Variants in SETD9 observed in about 807,000 individuals in gnomAD.
SETD9 encodes SET domain-containing protein 9.
In SETD9, 37 loss-of-function variants were observed where a neutral mutation model predicts 36.4. That is an observed-to-expected ratio of 1.02 (90% CI 0.78 to 1.34). The LOEUF (loss-of-function observed/expected upper bound fraction) is 1.34. SETD9 is among the 40% of genes most tolerant of loss of function. The pLI is 0.00. For missense variants in SETD9, 323 were observed against 353.2 expected (o/e 0.91, Z 0.69); for synonymous variants, 128 against 132.9 (o/e 0.96, Z 0.26).
intron 5 of SETD9, among the ~76,000 whole-genome samples, chr5:56,924,265 A>C (rs1749847332): frequency 6.6e-6 from 1 of 151,962 alleles, no homozygotes; most frequent in Non-Finnish European, 1.5e-5. Flanking sequence ...TTTTTTTTTA[A>C]AAAAATCAGA....
downstream of SETD9, among the ~76,000 whole-genome samples, chr5:56,917,848 T>G (rs1749496774): frequency 6.6e-6 from 1 of 152,184 alleles, no homozygotes; most frequent in African/African-American, 2.4e-5. Flanking sequence ...TCGACCTGAC[T>G]CCAGCTCTCT....
chr5:56,909,784 G>A lies in SETD9; in HGVS notation c.98+41G>A, dbSNP rs763575382. ...GGCAGAACGAGGGGCACCTGCCTTCGGTTCCCAGACGCCACCACGGCGGCG... is the reference window on the plus strand; with the variant it reads ...GGCAGAACGAGGGGCACCTGCCTTCAGTTCCCAGACGCCACCACGGCGGCG... On this transcript the variant is annotated intron_variant, in intron 1 of 5. Transcript: ENST00000285947. 6.4e-6 allele frequency: 10 copies of A among 1,570,334 alleles called. No homozygotes were observed. In the African/African-American group the frequency reaches 8.3e-5, roughly 13 times the overall value.
chr5:56,909,591 G>A, upstream of SETD9: 4 of 1,459,202 alleles, frequency 2.7e-6, no homozygotes, highest in Admixed American at 6.5e-5. Flanking sequence ...GGGCGGGCCC[G>A]AGGCCTCGAT....
Position 56,913,035 on chromosome 5 carries a change from C to T in SETD9, c.491C>T (p.Pro164Leu), listed in dbSNP as rs189621167. 23 of 1,613,690 alleles carry T rather than the reference C, an allele frequency of 1.4e-5. No individual in the cohort carries two copies. In the African/African-American group the frequency reaches 1.6e-4, roughly 11 times the overall value. Residue 164 changes from proline to leucine, a missense_variant, in exon 3 of 6, where the codon CCG (proline) becomes CTG (leucine). Pro to Leu is a moderately conservative substitution (Grantham distance 98). Coordinates refer to ENST00000285947, the MANE Select transcript of SETD9 (RefSeq NM_153706.4). ...GGTACAGTATATCAGAAGTATGAGC[C>T]GATCTTTTTCCAGTCCATTGGAAAT... is the stretch of plus-strand genomic sequence containing the variant. ...YPGTVYQKYEPIFFQSIGNPF... is the reference protein window; with the variant it reads ...YPGTVYQKYELIFFQSIGNPF...
intron 5 of SETD9, among the ~76,000 whole-genome samples, chr5:56,916,189 TGAG>T (rs1749415479): frequency 6.6e-6 from 1 of 152,138 alleles, no homozygotes; most frequent in South Asian, 2.1e-4. Flanking sequence ...GTCAGGAGTT[TGAG>T]AACAGCCTGA....
intron 5 of SETD9, among the ~76,000 whole-genome samples, chr5:56,925,100 C>T (rs1749898019): frequency 6.6e-6 from 1 of 152,076 alleles, no homozygotes. Flanking sequence ...TTTCATAAGT[C>T]ATTACAAAAC....
intron 4 of SETD9, 147 bp downstream of exon 4, chr5:56,914,136 T>A (rs2112025707): frequency 5.9e-6 from 3 of 506,850 alleles, no homozygotes; most frequent in Non-Finnish European, 7.0e-6. Context: ...TGGGGGATGA[T>A]ATTAGAGAGA....
Position 56,911,311 on chromosome 5 carries a change from T to C in SETD9, c.241T>C (p.Ser81Pro). ...AGAAATCTTGTCTATGCTTCCAGAA[T>C]CTGTTAAATCAAAATATCAAGACCT... ...QSEILSMLPESVKSKYQDLLA... is the reference protein window; with the variant it reads ...QSEILSMLPEPVKSKYQDLLA... The change falls in exon 2 of 6, where the codon TCT (serine) becomes CCT (proline). Residue 81 changes from serine (S) to proline (P), a missense_variant. By Grantham distance (74) the Ser-to-Pro change is moderately conservative. Transcript: ENST00000285947. 3 of 1,611,590 alleles carry C rather than the reference T, an allele frequency of 1.9e-6. No homozygotes were observed. The highest frequency in any genetic ancestry group is 2.5e-6 in the Non-Finnish European group (3 of 1,179,194).
At chr5:56,925,068 C>T (rs1046131763) in intron 5 of SETD9, among the ~76,000 whole-genome samples, 1 of 152,054 alleles carries the variant, frequency 6.6e-6, no homozygotes, top group African/African-American at 2.4e-5. Context: ...TAACTGTTTA[C>T]GGAATGAATG....
downstream of SETD9, chr5:56,920,929 A>G (rs1749642592): frequency 6.6e-6 from 1 of 152,574 alleles, no homozygotes; most frequent in African/African-American, 2.4e-5. Flanking sequence ...AAAATCTATT[A>G]AACTAGCTGG....
At chr5:56,926,718 C>T (rs78664304), downstream of SETD9, among the ~76,000 whole-genome samples, 3,289 of 152,188 alleles carry the variant, frequency 0.022, 125 homozygotes, top group African/African-American at 0.076. Context: ...CTTACTCCTT[C>T]GTATTTGGAC....
downstream of SETD9, chr5:56,919,520 A>G (rs1749564621): frequency 6.6e-6 from 1 of 152,248 alleles, no homozygotes; most frequent in South Asian, 2.1e-4. Flanking sequence ...ACAGTGGTAT[A>G]ATATCTATCT....
Sources: gnomAD v4.1 joint callset for allele counts (sites outside exome capture counted in the v4.1 genomes callset) on GRCh38, gnomAD v4.1.1 for gene constraint, MANE v1.5 for transcripts, NCBI Gene and HGNC (gene_info 2026-07-23, HGNC 2026-07-21) for gene names.